Variants in MDGA2 observed in about 807,000 individuals in gnomAD.
The protein encoded by MDGA2 is MAM domain-containing glycosylphosphatidylinositol anchor protein 2.
MDGA2 carries 40 observed loss-of-function variants against 117.8 expected under a neutral mutation model. The observed-to-expected ratio is 0.34, with a 90% confidence interval of 0.26 to 0.44. MDGA2 has a LOEUF of 0.44. MDGA2 is among the 20% of genes least tolerant of loss of function. MDGA2 has a pLI of 1.00. For missense variants in MDGA2, 1,123 were observed against 1,250.6 expected (o/e 0.90, Z 1.54); for synonymous variants, 452 against 439.0 (o/e 1.03, Z -0.37).
At chr14:47,257,818 T>C (rs982292356) in intron 2 of MDGA2, among the ~76,000 whole-genome samples, 1 of 152,160 alleles carries the variant, frequency 6.6e-6, no homozygotes, top group African/African-American at 2.4e-5. Flanking sequence ...GAGTGTTTTG[T>C]AGCACTGGTC....
chr14:47,000,790 T>C (rs886411539), intron 8 of MDGA2, among the ~76,000 whole-genome samples: 1 of 151,922 alleles, frequency 6.6e-6, no homozygotes, highest in Non-Finnish European at 1.5e-5. Context: ...CTTTGAATAT[T>C]TGACTTTTCA....
chr14:47,642,653 C>G (rs1288957446), intron 1 of MDGA2, among the ~76,000 whole-genome samples: 3 of 125,622 alleles, frequency 2.4e-5, no homozygotes, highest in African/African-American at 5.5e-5. Flanking sequence ...ATCTATGTAT[C>G]TATCTATCTA....
intron 1 of MDGA2, among the ~76,000 whole-genome samples, chr14:47,640,220 T>G (rs1471423378): frequency 2.0e-5 from 3 of 152,174 alleles, no homozygotes; most frequent in Non-Finnish European, 4.4e-5. Context: ...GTTTACATCT[T>G]GAGTCAAGGA....
intron 6 of MDGA2, among the ~76,000 whole-genome samples, chr14:47,077,928 ACT>A (rs1387529983): frequency 1.3e-5 from 2 of 151,868 alleles, no homozygotes; most frequent in South Asian, 2.1e-4. Context: ...ATCTTTGAAA[ACT>A]CTCTTACAAC....
intron 1 of MDGA2, among the ~76,000 whole-genome samples, chr14:47,452,137 G>T (rs377027300): frequency 6.6e-6 from 1 of 152,010 alleles, no homozygotes; most frequent in African/African-American, 2.4e-5. Context: ...TAACAAGCAG[G>T]CTATCACACA....
intron 3 of MDGA2, among the ~76,000 whole-genome samples, chr14:47,168,807 A>C (rs2139309443): frequency 6.6e-6 from 1 of 152,236 alleles, no homozygotes; most frequent in South Asian, 2.1e-4. Context: ...AATGCTAATA[A>C]GGCTAATGGA....
intron 1 of MDGA2, among the ~76,000 whole-genome samples, chr14:47,434,878 G>A (rs1169346899): frequency 1.3e-5 from 2 of 152,132 alleles, no homozygotes; most frequent in Non-Finnish European, 2.9e-5. Flanking sequence ...GCTTATGCCT[G>A]TAATCCCAAC....
chr14:47,010,489 A>AT (rs1333805454), intron 8 of MDGA2, among the ~76,000 whole-genome samples: 3 of 152,140 alleles, frequency 2.0e-5, no homozygotes, highest in East Asian at 1.9e-4. Context: ...TAAAGTAATC[A>AT]TTTTTTTCTT....
chr14:47,008,457 G>C (rs1887786799), intron 8 of MDGA2, among the ~76,000 whole-genome samples: 1 of 151,802 alleles, frequency 6.6e-6, no homozygotes, highest in African/African-American at 2.4e-5. Context: ...TGCTAAATAA[G>C]CTGCAATTTC....
rs148104063 is a variant in MDGA2 at position 47,261,538 on chromosome 14, C to G, written c.420+39873G>C. 1.9e-3 allele frequency among the ~76,000 whole-genome samples: 289 copies of G among 152,220 alleles called. 3 individuals are homozygous for G. The highest frequency in any genetic ancestry group is 6.5e-3 in the African/African-American group (269 of 41,538). Reference sequence around the variant, plus strand: ...AAAGCAGATGGCCTAAGTCACAGTGCTACATTACACAAGTATGAAGACTAG... The same window carrying G: ...AAAGCAGATGGCCTAAGTCACAGTGGTACATTACACAAGTATGAAGACTAG... On this transcript the variant is annotated intron_variant, in intron 2 of 16. Transcript: ENST00000399232.
At chr14:46,928,354 T>TA (rs2138536375) in intron 9 of MDGA2, among the ~76,000 whole-genome samples, 1 of 152,286 alleles carries the variant, frequency 6.6e-6, no homozygotes, top group East Asian at 1.9e-4. Flanking sequence ...GAACAAGCTT[T>TA]ATGGAATTTA....
chr14:47,190,548 A>G (rs1030123818), intron 3 of MDGA2, among the ~76,000 whole-genome samples: 1 of 152,196 alleles, frequency 6.6e-6, no homozygotes, highest in Non-Finnish European at 1.5e-5. Context: ...ACCTTAAAAC[A>G]TTATCTTTGG....
chr14:47,437,901 G>T (rs1892929658), intron 1 of MDGA2, among the ~76,000 whole-genome samples: 1 of 152,064 alleles, frequency 6.6e-6, no homozygotes, highest in Non-Finnish European at 1.5e-5. Context: ...TCTAATAAAG[G>T]CAACATTTTT....
chr14:47,414,069 A>C (rs1029305049), intron 1 of MDGA2, among the ~76,000 whole-genome samples: 3 of 152,184 alleles, frequency 2.0e-5, no homozygotes, highest in Admixed American at 6.5e-5. Flanking sequence ...GGCCAAGAGA[A>C]TGAAAGAGAT....
At chr14:47,084,071 A>G (rs28853275) in intron 6 of MDGA2, among the ~76,000 whole-genome samples, 48,436 of 152,006 alleles carry the variant, frequency 0.32, 8,055 homozygotes, top group Middle Eastern at 0.43. Flanking sequence ...ATAGTATCAA[A>G]TCAACATTTA....
intron 1 of MDGA2, among the ~76,000 whole-genome samples, chr14:47,596,519 G>T (rs1896545953): frequency 6.6e-6 from 1 of 152,114 alleles, no homozygotes; most frequent in Non-Finnish European, 1.5e-5. Flanking sequence ...CCATTATCCA[G>T]CTTCACTTTC....
chr14:47,285,323 C>T lies in MDGA2; in HGVS notation c.420+16088G>A, dbSNP rs553992542. Among the ~76,000 whole-genome samples, 3 of 151,544 alleles carry T rather than the reference C, an allele frequency of 2.0e-5. No individual in the cohort carries two copies. The East Asian group carries it at 5.8e-4, about 29-fold the overall frequency. ...TTTTGTAACTCTGTTTTATTTTCTA[C>T]TAAATTGATTTTTTTTCCTTTTCTA... On this transcript the variant is annotated intron_variant, in intron 2 of 16. Transcript: ENST00000399232.
chr14:46,872,500 T>C (rs557979680), intron 14 of MDGA2, among the ~76,000 whole-genome samples: 71 of 152,016 alleles, frequency 4.7e-4, no homozygotes, highest in African/African-American at 1.5e-3. Context: ...GGGTTAGATA[T>C]ACTTCATTAT....
intron 7 of MDGA2, among the ~76,000 whole-genome samples, chr14:47,060,146 TG>T (rs1258234213): frequency 1.3e-5 from 2 of 152,098 alleles, no homozygotes; most frequent in East Asian, 3.9e-4. Flanking sequence ...AAAGAAATAA[TG>T]TCCAAACACA....
Sources: allele counts gnomAD v4.1 joint callset (sites outside exome capture counted in the v4.1 genomes callset), GRCh38; gene constraint gnomAD v4.1.1; transcripts MANE v1.5; gene names NCBI Gene and HGNC (gene_info 2026-07-23, HGNC 2026-07-21).